Variants in BAALC observed in about 807,000 individuals in gnomAD.
BAALC encodes BAALC binder of MAP3K1 and KLF4.
A neutral mutation model predicts 15.5 loss-of-function variants in BAALC; 9 were observed. The ratio of observed to expected loss-of-function variants is 0.58; its 90% CI spans 0.35 to 1.02. The LOEUF is 1.02. Ranked by LOEUF, BAALC falls within the 50% of genes least tolerant of loss-of-function variation. The pLI, the probability that BAALC is intolerant of heterozygous loss-of-function variation, is 0.02. For synonymous variants in BAALC, 80 were observed against 74.6 expected (o/e 1.07, Z -0.37); for missense variants, 201 against 192.4 (o/e 1.04, Z -0.27).
intron 1 of BAALC, among the ~76,000 whole-genome samples, chr8:103,171,467 A>AAAAG (rs144178184): frequency 6.6e-6 from 1 of 152,042 alleles, no homozygotes; most frequent in South Asian, 2.1e-4. Flanking sequence ...GAAAGAAAAG[A>AAAAG]AAAGAAAGAA....
chr8:103,147,441 A>G (rs1331541909), intron 1 of BAALC, among the ~76,000 whole-genome samples: 1 of 152,174 alleles, frequency 6.6e-6, no homozygotes, highest in African/African-American at 2.4e-5. Context: ...GGATAAATGC[A>G]GATTTTTTTT....
At chr8:103,197,589 G>T (rs116476380) in intron 1 of BAALC, among the ~76,000 whole-genome samples, 2,531 of 152,222 alleles carry the variant, frequency 0.017, 69 homozygotes, top group African/African-American at 0.058. Context: ...AGTACTTGAG[G>T]CTGGGTAATT....
At position 103,141,044 on chromosome 8, in the gene BAALC, C is replaced by T. The variant is rs577792558; in HGVS notation, c.147C>T (p.Gly49=). The change falls in exon 1 of 3, where the codon GGC becomes GGT. Residue 49 remains glycine, a synonymous_variant. Coordinates refer to ENST00000309982, the MANE Select transcript of BAALC (RefSeq NM_024812.3). ...CCCCGGACAGCGGCCCCGAAGCGGG[C>T]GGCCTGCACTCGGGTAAGTGGCCGG... ...AAAPDSGPEA[G]GLHSGMLEDG... 64 of 1,500,644 alleles carry T rather than the reference C, an allele frequency of 4.3e-5. No individual in the cohort carries two copies. The African/African-American group carries it at 7.4e-4, about 17-fold the overall frequency. The allele number at this position is 1,500,644 out of a possible 1,614,324, so 93.0% of individuals were successfully genotyped here. A position where few individuals can be genotyped will look rare whatever the true frequency, so the allele number is the denominator to read the frequency against.
intron 1 of BAALC, among the ~76,000 whole-genome samples, chr8:103,194,911 C>T (rs961987691): frequency 2.0e-5 from 3 of 152,190 alleles, no homozygotes; most frequent in Non-Finnish European, 4.4e-5. Flanking sequence ...ATGACTTAAT[C>T]GCTTTCCCAA....
intron 1 of BAALC, among the ~76,000 whole-genome samples, chr8:103,176,267 A>C (rs1352256561): frequency 6.6e-6 from 1 of 152,170 alleles, no homozygotes; most frequent in Non-Finnish European, 1.5e-5. Flanking sequence ...ATGCTGCAGA[A>C]AGCACTGTTA....
chr8:103,229,306 A>AAAG lies in BAALC; in HGVS notation c.*1208_*1210dup, dbSNP rs1358115435. On this transcript the variant is annotated 3_prime_UTR_variant, in exon 3 of 3. Coordinates refer to ENST00000309982, the MANE Select transcript of BAALC (RefSeq NM_024812.3). The stretch of plus-strand genomic sequence containing the variant: ...GCCTGGGATTGGGAAAGATAGGACT[A>AAAG]AAGTTGTGCCAAACTATATCAATAA... 1.3e-5 allele frequency: 2 copies of AAAG among 152,244 alleles called. No individual in the cohort carries two copies. The highest frequency in any genetic ancestry group is 2.9e-5 in the Non-Finnish European group (2 of 68,026). The allele number at this position is 152,244 out of a possible 1,614,324, so 9.4% of individuals were successfully genotyped here. A position where few individuals can be genotyped will look rare whatever the true frequency, so the allele number is the denominator to read the frequency against.
chr8:103,171,287 G>C (rs1586395962), intron 1 of BAALC, among the ~76,000 whole-genome samples: 1 of 145,448 alleles, frequency 6.9e-6, no homozygotes, highest in Admixed American at 6.9e-5. Context: ...GAAAGAAAGA[G>C]AGAAGGAAGG....
At position 103,194,861 on chromosome 8, in the gene BAALC, G is replaced by A. The variant is rs146337797; in HGVS notation, c.161-18058G>A. Among the ~76,000 whole-genome samples, 792 of 152,154 alleles carry A rather than the reference G, an allele frequency of 5.2e-3. 4 individuals carry two copies. The highest frequency in any genetic ancestry group is 0.017 in the African/African-American group (703 of 41,498). ...AAAATGGCCTACGCTAGTTTCCTTCGGCCCATTTATACAGTAGTGATTCAT... is the reference window on the plus strand; with the variant it reads ...AAAATGGCCTACGCTAGTTTCCTTCAGCCCATTTATACAGTAGTGATTCAT... On this transcript the variant is annotated intron_variant, in intron 1 of 2. Coordinates refer to ENST00000309982, the MANE Select transcript of BAALC (RefSeq NM_024812.3).
At chr8:103,151,482 G>T (rs1365201674) in intron 1 of BAALC, among the ~76,000 whole-genome samples, 1 of 152,116 alleles carries the variant, frequency 6.6e-6, no homozygotes, top group East Asian at 1.9e-4. Context: ...CATTCTAGCA[G>T]CCAGGATCCC....
At chr8:103,151,883 C>T (rs1810994893) in intron 1 of BAALC, among the ~76,000 whole-genome samples, 2 of 152,082 alleles carry the variant, frequency 1.3e-5, no homozygotes, top group East Asian at 1.9e-4. Context: ...CTAGTCTGTC[C>T]ATTTGAATTC....
intron 1 of BAALC, chr8:103,153,239 C>A (rs1811020843): frequency 6.6e-6 from 1 of 152,146 alleles, no homozygotes; most frequent in South Asian, 2.1e-4. Flanking sequence ...AGAGTGGTCA[C>A]TTCTTTCATC....
At position 103,228,194 on chromosome 8, in the gene BAALC, C is replaced by T; in HGVS notation, c.*95C>T. ...ACCTTGAAGAAGTGGCTGCCCCTTG[C>T]TGGACCTGAATTCTACTGAGTCCCT... On this transcript the variant is annotated 3_prime_UTR_variant, in exon 3 of 3. Coordinates refer to ENST00000309982, the MANE Select transcript of BAALC (RefSeq NM_024812.3). 1 of 851,690 alleles carries T rather than the reference C, an allele frequency of 1.2e-6. No individual in the cohort carries two copies. Among genetic ancestry groups the T allele is most frequent in the Non-Finnish European group, 1.9e-6 (1 of 533,644 alleles). 52.8% of individuals were successfully genotyped at this position (851,690 alleles called of 1,614,324 possible). A position where few individuals can be genotyped will look rare whatever the true frequency, so the allele number is the denominator to read the frequency against.
Position 103,140,956 on chromosome 8 carries a change from C to A in BAALC, c.59C>A (p.Thr20Asn). ...GAGCCCCGCTACTACGAGAGCTGGA[C>A]CCGGGAGACAGAATCCACCTGGCTC... ...AIEPRYYESW[T>N]RETESTWLTY... Residue 20 changes from threonine (T) to asparagine (N), a missense_variant, in exon 1 of 3, where the codon ACC becomes AAC. Transcript: ENST00000309982. The surrounding 1 kb of genome is among the most constrained non-coding windows in gnomAD (Gnocchi z 4.2). The A allele has an allele frequency of 6.5e-7, 1 of 1,541,694 alleles. No homozygotes were observed. The highest frequency in any genetic ancestry group is 1.2e-5 in the South Asian group (1 of 83,246).
At chr8:103,183,952 C>G (rs1811781428) in intron 1 of BAALC, among the ~76,000 whole-genome samples, 1 of 152,202 alleles carries the variant, frequency 6.6e-6, no homozygotes, top group African/African-American at 2.4e-5. Context: ...TCTCCCAGCT[C>G]CATAGGTTAG....
intron 1 of BAALC, among the ~76,000 whole-genome samples, chr8:103,202,094 TAC>T (rs1812229230): frequency 6.6e-6 from 1 of 152,194 alleles, no homozygotes; most frequent in African/African-American, 2.4e-5. Context: ...ACCAATATAG[TAC>T]AGTTTTCTAC....
chr8:103,149,315 AATCTCCATCTCC>A (rs1810936970), intron 1 of BAALC, among the ~76,000 whole-genome samples: 1 of 152,170 alleles, frequency 6.6e-6, no homozygotes, highest in African/African-American at 2.4e-5. Context: ...GTGCTGCTCC[AATCTCCATCTCC>A]ATAGAAAGGG....
intron 2 of BAALC, 33 bp from the exon 3 acceptor site, chr8:103,227,956 T>A (rs1428523380): frequency 1.4e-6 from 2 of 1,466,438 alleles, no homozygotes; most frequent in Middle Eastern, 3.5e-4. Flanking sequence ...TTACATTTCC[T>A]AGTAACTCAA....
chr8:103,188,649 A>C (rs1232500088), intron 1 of BAALC, among the ~76,000 whole-genome samples: 3 of 152,238 alleles, frequency 2.0e-5, no homozygotes, highest in Non-Finnish European at 4.4e-5. Context: ...GAATTCTGCG[A>C]GATAAAATAC....
intron 1 of BAALC, among the ~76,000 whole-genome samples, chr8:103,211,704 T>C (rs1481328170): frequency 1.3e-5 from 2 of 152,196 alleles, no homozygotes; most frequent in Non-Finnish European, 2.9e-5. Flanking sequence ...AGAGCAGGGA[T>C]GGGAACTACT....
Sources: allele counts gnomAD v4.1 joint callset (sites outside exome capture counted in the v4.1 genomes callset), GRCh38; gene constraint gnomAD v4.1.1; non-coding constraint Gnocchi (gnomAD v3.1); transcripts MANE v1.5; gene names NCBI Gene and HGNC (gene_info 2026-07-23, HGNC 2026-07-21).